The following L3MBTL3 variants were observed in gnomAD, a reference collection of about 807,000 sequenced individuals.
L3MBTL3 encodes the protein lethal(3)malignant brain tumor-like protein 3.
A neutral mutation model predicts 102.3 loss-of-function variants in L3MBTL3; 27 were observed. That is an observed-to-expected ratio of 0.26 (90% CI 0.19 to 0.36). The LOEUF (loss-of-function observed/expected upper bound fraction) is 0.36. Among genes scored for constraint, L3MBTL3 ranks in the 10% least tolerant of loss-of-function variants. The pLI is 1.00. For missense variants in L3MBTL3, 798 were observed against 955.3 expected, an observed-to-expected ratio of 0.84 and a Z score of 2.17; for synonymous variants, 340 against 320.9, an observed-to-expected ratio of 1.06 and a Z score of -0.64.
chr6:130,121,397 G>T (rs1192507184), intron 20 of L3MBTL3, among the ~76,000 whole-genome samples: 1 of 152,196 alleles, frequency 6.6e-6, no homozygotes, highest in Non-Finnish European at 1.5e-5. Flanking sequence ...TCCCGCAGAA[G>T]ACATGATCTC....
chr6:130,028,312 C>T (rs972321167), intron 2 of L3MBTL3, among the ~76,000 whole-genome samples: 5 of 152,102 alleles, frequency 3.3e-5, no homozygotes, highest in African/African-American at 9.7e-5. Context: ...TAGGATCATT[C>T]ACATTAAAAT....
intron 13 of L3MBTL3, among the ~76,000 whole-genome samples, chr6:130,072,441 G>A (rs776585508): frequency 1.3e-5 from 2 of 152,152 alleles, no homozygotes; most frequent in Non-Finnish European, 2.9e-5. Context: ...TGATACCAAG[G>A]CATGACTCTG....
intron 18 of L3MBTL3, among the ~76,000 whole-genome samples, chr6:130,103,142 G>A (rs181857696): frequency 1.3e-5 from 2 of 152,284 alleles, no homozygotes; most frequent in Admixed American, 1.3e-4. Context: ...GTAAAATATT[G>A]CATGTAAAGC....
At chr6:130,021,476 G>A (rs192555522) in intron 1 of L3MBTL3, among the ~76,000 whole-genome samples, 111 of 152,344 alleles carry the variant, frequency 7.3e-4, no homozygotes, top group African/African-American at 2.0e-3. Flanking sequence ...TCAGAGATTT[G>A]AGATTGATCG....
chr6:130,108,982 A>G (rs778032706), intron 19 of L3MBTL3, among the ~76,000 whole-genome samples: 3 of 151,832 alleles, frequency 2.0e-5, no homozygotes, highest in African/African-American at 4.8e-5. Context: ...CTTTGTTAGT[A>G]TGCTGAGAAT....
At chr6:130,024,858 G>T (rs1779240200) in intron 2 of L3MBTL3, among the ~76,000 whole-genome samples, 2 of 152,152 alleles carry the variant, frequency 1.3e-5, no homozygotes, top group Admixed American at 6.5e-5. Flanking sequence ...GGTACCATTA[G>T]GAAAGGATGA....
rs921516709 is a variant in L3MBTL3 at position 130,025,702 on chromosome 6, A to G, written c.-16+3397A>G. 3.9e-5 allele frequency among the ~76,000 whole-genome samples: 6 copies of G among 152,144 alleles called. 1 individual carries two copies. In the South Asian group the frequency reaches 6.2e-4, roughly 16 times the overall value. ...GTTGGATGGTGATTATAAGAATGAT[A>G]TGTATATTATATGTAACAGTAAAAT... On this transcript the variant is annotated intron_variant, in intron 2 of 22. Transcript: ENST00000361794.
intron 18 of L3MBTL3, among the ~76,000 whole-genome samples, chr6:130,096,575 G>A (rs988562503): frequency 4.6e-5 from 7 of 152,168 alleles, no homozygotes; most frequent in African/African-American, 1.7e-4. Context: ...ACGTTTGAGT[G>A]GAGAGGTTTG....
chr6:130,086,627 C>G (rs1035827284), intron 16 of L3MBTL3, among the ~76,000 whole-genome samples: 3 of 152,244 alleles, frequency 2.0e-5, no homozygotes, highest in Non-Finnish European at 4.4e-5. Flanking sequence ...TTCAGAGGAA[C>G]ATCCTATCTC....
At chr6:130,062,310 A>T (rs1781945392) in intron 10 of L3MBTL3, among the ~76,000 whole-genome samples, 1 of 151,880 alleles carries the variant, frequency 6.6e-6, no homozygotes, top group Non-Finnish European at 1.5e-5. Flanking sequence ...TGCCTTCCAG[A>T]TGTTTTCTCT....
At chr6:130,054,429 G>A (rs1483591180) in intron 7 of L3MBTL3, among the ~76,000 whole-genome samples, 2 of 152,322 alleles carry the variant, frequency 1.3e-5, no homozygotes, top group East Asian at 3.9e-4. Flanking sequence ...TGGAATCAGG[G>A]AAACCAGTTA....
At chr6:130,104,615 C>CT (rs1297423474) in intron 19 of L3MBTL3, 40 bp downstream of exon 19, 2 of 1,379,686 alleles carry the variant, frequency 1.4e-6, no homozygotes, top group Non-Finnish European at 1.9e-6. Context: ...TAGAAGTACT[C>CT]TAATTTAAAG....
At chr6:130,099,283 G>C (rs1300979040) in intron 18 of L3MBTL3, among the ~76,000 whole-genome samples, 2 of 152,136 alleles carry the variant, frequency 1.3e-5, no homozygotes, top group East Asian at 3.9e-4. Flanking sequence ...TAATAGTAAA[G>C]AGTTGTACAT....
In L3MBTL3 at chr6:130,071,005, T is replaced by C; in HGVS notation, c.1122T>C (p.Gly374=). 1.2e-6 allele frequency: 2 copies of C among 1,613,416 alleles called. No homozygotes were observed. Among genetic ancestry groups the C allele is most frequent in the Non-Finnish European group, 1.7e-6 (2 of 1,179,600 alleles). ...TGATCCCATCGGGCTTTCGAGTTGGTATGAAGCTTGAGGCAGTAGACAAAA... is the reference window on the plus strand; with the variant it reads ...TGATCCCATCGGGCTTTCGAGTTGGCATGAAGCTTGAGGCAGTAGACAAAA... ...ITVIPSGFRV[G]MKLEAVDKKN... Residue 374 remains glycine, a synonymous_variant, in exon 13 of 23, where the codon GGT becomes GGC. Transcript: ENST00000361794.
chr6:130,102,096 A>AG (rs1215750606), intron 18 of L3MBTL3, among the ~76,000 whole-genome samples: 8 of 149,780 alleles, frequency 5.3e-5, no homozygotes, highest in African/African-American at 2.0e-4. Context: ...ATTCTATCTC[A>AG]GGGGGAAAAA....
rs879263408 is a variant in L3MBTL3 at position 130,062,387 on chromosome 6, CT to C, written c.864+2260del. Among the ~76,000 whole-genome samples, 643 of 143,900 alleles carry C rather than the reference CT, an allele frequency of 4.5e-3. 2 individuals carry two copies. Among genetic ancestry groups the C allele is most frequent in the Non-Finnish European group, 6.0e-3 (391 of 65,344 alleles). The allele number at this position is 143,900 out of a possible 152,430, so 94.4% of individuals were successfully genotyped here. ...ACAAACACACGCGCGCACACACACA[CT>C]TTTTTTTTTTTTCCGAGACAGGGTC... is the stretch of plus-strand genomic sequence containing the variant. On this transcript the variant is annotated intron_variant, in intron 10 of 22. Transcript: ENST00000361794.
intron 19 of L3MBTL3, among the ~76,000 whole-genome samples, chr6:130,107,937 A>C (rs1785088586): frequency 6.6e-6 from 1 of 152,192 alleles, no homozygotes; most frequent in Non-Finnish European, 1.5e-5. Context: ...CCCAAGGAAC[A>C]AATGAGTGAG....
At chr6:130,069,807 G>A (rs1035618985) in intron 12 of L3MBTL3, among the ~76,000 whole-genome samples, 2 of 152,082 alleles carry the variant, frequency 1.3e-5, no homozygotes, top group South Asian at 2.1e-4. Context: ...TCTCCATTTC[G>A]TATCTAAGAG....
intron 2 of L3MBTL3, among the ~76,000 whole-genome samples, chr6:130,039,731 T>A (rs1281708649): frequency 6.6e-6 from 1 of 152,184 alleles, no homozygotes; most frequent in Admixed American, 6.5e-5. Context: ...ATGCATTTTT[T>A]AAACATTTTT....
Sources: gnomAD v4.1 joint callset for allele counts (sites outside exome capture counted in the v4.1 genomes callset) on GRCh38, gnomAD v4.1.1 for gene constraint, MANE v1.5 for transcripts, NCBI Gene and HGNC (gene_info 2026-07-23, HGNC 2026-07-21) for gene names.